Variants in ASPH observed in about 807,000 individuals in gnomAD.
ASPH encodes aspartyl/asparaginyl beta-hydroxylase.
A neutral mutation model predicts 118.4 loss-of-function variants in ASPH; 100 were observed. That is an observed-to-expected ratio of 0.84 (90% CI 0.72 to 1.00). ASPH has a LOEUF of 1.00. Ranked by LOEUF, ASPH falls within the 50% of genes least tolerant of loss-of-function variation. ASPH has a pLI of 0.00. For missense variants in ASPH, 920 were observed against 919.5 expected (o/e 1.00, Z -0.01); for synonymous variants, 315 against 325.6 (o/e 0.97, Z 0.35).
chr8:61,681,460 CA>C (rs1828017416), intron 2 of ASPH, among the ~76,000 whole-genome samples: 1 of 151,262 alleles, frequency 6.6e-6, no homozygotes, highest in South Asian at 2.1e-4. Flanking sequence ...ATATCTGAAC[CA>C]AAAGAAACAA....
chr8:61,580,101 C>A (rs922983076), intron 15 of ASPH, among the ~76,000 whole-genome samples: 1 of 152,138 alleles, frequency 6.6e-6, no homozygotes, highest in Non-Finnish European at 1.5e-5. Context: ...GGCAGCTCCA[C>A]CCCTGTGGCT....
intron 14 of ASPH, among the ~76,000 whole-genome samples, chr8:61,603,826 A>C (rs1003975962): frequency 1.3e-5 from 2 of 152,374 alleles, no homozygotes; most frequent in South Asian, 4.1e-4. Flanking sequence ...GAACAGAAAG[A>C]AGCAAAGGAT....
chr8:61,547,386 G>A (rs1357087838), intron 21 of ASPH, among the ~76,000 whole-genome samples: 2 of 152,216 alleles, frequency 1.3e-5, no homozygotes, highest in Non-Finnish European at 2.9e-5. Flanking sequence ...TTCTCAAAGT[G>A]TGTTTCAAGG....
At chr8:61,687,812 A>C (rs1831120118) in intron 1 of ASPH, 1 of 152,212 alleles carries the variant, frequency 6.6e-6, no homozygotes, top group Admixed American at 6.5e-5. Flanking sequence ...TCTTAACTAG[A>C]ATATATTATC....
intron 14 of ASPH, among the ~76,000 whole-genome samples, chr8:61,602,428 T>C (rs1052421748): frequency 6.6e-6 from 1 of 151,010 alleles, no homozygotes; most frequent in Non-Finnish European, 1.5e-5. Context: ...CTTTAAGCAG[T>C]GTAGACATAG....
intron 13 of ASPH, 67 bp downstream of exon 13, chr8:61,633,616 A>G: frequency 7.7e-7 from 1 of 1,296,356 alleles, no homozygotes; most frequent in South Asian, 1.4e-5. Context: ...TTATAAAGCT[A>G]TTGGTAATAT....
At chr8:61,572,463 C>A (rs1221943302) in intron 16 of ASPH, among the ~76,000 whole-genome samples, 1 of 152,184 alleles carries the variant, frequency 6.6e-6, no homozygotes, top group African/African-American at 2.4e-5. Flanking sequence ...AGACCAACAG[C>A]AAACTCTTGA....
intron 1 of ASPH, among the ~76,000 whole-genome samples, chr8:61,706,023 A>T (rs1277205560): frequency 6.6e-6 from 1 of 152,230 alleles, no homozygotes; most frequent in East Asian, 1.9e-4. Context: ...TTAATTTAAA[A>T]ATACTATTGA....
rs1197809235 is a variant in ASPH at position 61,577,421 on chromosome 8, A to AAAAG, written c.1063-564_1063-563insCTTT. Among the ~76,000 whole-genome samples, 433 of 148,288 alleles carry AAAAG rather than the reference A, an allele frequency of 2.9e-3. 5 individuals are homozygous for AAAAG. The highest frequency in any genetic ancestry group is 0.01 in the African/African-American group (412 of 39,258). ...TCGCAAAAAAAAAAAAAAAAAAAAAAAAGACAAGACACCTGATAAATGATG... is the reference window on the plus strand; with the variant it reads ...TCGCAAAAAAAAAAAAAAAAAAAAAAAAAGAAGACAAGACACCTGATAAATGATG... On this transcript the variant is annotated intron_variant, in intron 15 of 24. Transcript: ENST00000379454.
In ASPH at chr8:61,598,438, T is replaced by G. The variant is rs1453175509; in HGVS notation, c.977-14409A>C. Among the ~76,000 whole-genome samples, 3 of 152,220 alleles carry G rather than the reference T, an allele frequency of 2.0e-5. No individual in the cohort carries two copies. The East Asian group carries it at 5.8e-4, about 29-fold the overall frequency. On this transcript the variant is annotated intron_variant, in intron 14 of 24. Transcript: ENST00000379454. Reference sequence around the variant, plus strand: ...AGGTCATTATATAATGATAAAGGGATCAATTCTTCAAGAGGACATAATTCC... The same window carrying G: ...AGGTCATTATATAATGATAAAGGGAGCAATTCTTCAAGAGGACATAATTCC...
chr8:61,643,853 TG>T (rs1806516152), intron 8 of ASPH, 91 bp downstream of exon 8: 1 of 940,200 alleles, frequency 1.1e-6, no homozygotes, highest in Admixed American at 2.0e-5. Flanking sequence ...GGGATCTCTG[TG>T]TTGAATCACA....
intron 1 of ASPH, among the ~76,000 whole-genome samples, chr8:61,694,356 T>A (rs929045739): frequency 1.3e-5 from 2 of 152,196 alleles, no homozygotes; most frequent in African/African-American, 4.8e-5. Flanking sequence ...CCATCACAGA[T>A]GAAATTCTCC....
intron 3 of ASPH, among the ~76,000 whole-genome samples, chr8:61,666,442 T>C (rs1397048402): frequency 6.6e-6 from 1 of 152,212 alleles, no homozygotes; most frequent in African/African-American, 2.4e-5. Context: ...TAAGGTAAGG[T>C]GTTTGCAATG....
In ASPH at chr8:61,578,162, C is replaced by T. The variant is rs867915901; in HGVS notation, c.1063-1304G>A. Reference sequence around the variant, plus strand: ...AAATTGGACCAAGAAGCAGCTTCTCCGCTCCTTCTAGGATCTCCGCCTGGT... The same window carrying T: ...AAATTGGACCAAGAAGCAGCTTCTCTGCTCCTTCTAGGATCTCCGCCTGGT... On this transcript the variant is annotated intron_variant, in intron 15 of 24. Coordinates refer to ENST00000379454, the MANE Select transcript of ASPH (RefSeq NM_004318.4). 7.8e-5 allele frequency: 117 copies of T among 1,503,564 alleles called. 1 individual carries two copies. In the Middle Eastern group the frequency reaches 1.7e-3, roughly 21 times the overall value. The allele number at this position is 1,503,564 out of a possible 1,614,324, so 93.1% of individuals were successfully genotyped here. A position where few individuals can be genotyped will look rare whatever the true frequency, so the allele number is the denominator to read the frequency against.
intron 5 of ASPH, 87 bp downstream of exon 5, chr8:61,650,963 T>C (rs962985440): frequency 3.5e-5 from 48 of 1,383,536 alleles, no homozygotes; most frequent in Middle Eastern, 4.3e-4. Context: ...AATTAACCTT[T>C]AAATTTTAAA....
At chr8:61,622,883 G>A (rs146333315) in intron 13 of ASPH, among the ~76,000 whole-genome samples, 1 of 152,198 alleles carries the variant, frequency 6.6e-6, no homozygotes, top group Admixed American at 6.5e-5. Flanking sequence ...ATAAAAGTGG[G>A]TCTGCTTACC....
chr8:61,612,374 GTTTT>G (rs34515068), intron 14 of ASPH, among the ~76,000 whole-genome samples: 2 of 138,012 alleles, frequency 1.4e-5, no homozygotes, highest in Admixed American at 7.2e-5. Context: ...AATGAACAAA[GTTTT>G]TTTTTTTTTT....
intron 14 of ASPH, chr8:61,607,148 A>G (rs1845828393): frequency 3.2e-6 from 2 of 622,534 alleles, no homozygotes; most frequent in Non-Finnish European, 2.9e-6. Flanking sequence ...ATAGCACACA[A>G]AAGGAGCCTA....
chr8:61,678,741 A>C (rs1489065181), intron 3 of ASPH, among the ~76,000 whole-genome samples: 1 of 152,088 alleles, frequency 6.6e-6, no homozygotes, highest in Admixed American at 6.6e-5. Context: ...CTTATCTCTG[A>C]TTTCCTACCC....
Sources: allele counts gnomAD v4.1 joint callset (sites outside exome capture counted in the v4.1 genomes callset), GRCh38; gene constraint gnomAD v4.1.1; transcripts MANE v1.5; gene names NCBI Gene and HGNC (gene_info 2026-07-23, HGNC 2026-07-21).